Variants in EHMT1 observed in about 807,000 individuals in gnomAD.
EHMT1 encodes the protein euchromatic histone lysine methyltransferase 1.
A neutral mutation model predicts 147.2 loss-of-function variants in EHMT1; 15 were observed. The ratio of observed to expected loss-of-function variants is 0.10; its 90% CI spans 0.07 to 0.16. EHMT1 has a LOEUF of 0.16. EHMT1 is among the 10% of genes least tolerant of loss of function. The probability of loss-of-function intolerance (pLI) is 1.00; values close to 1 mark genes in which losing one functional copy is unlikely to be tolerated. For synonymous variants in EHMT1, 795 were observed against 709.6 expected, an observed-to-expected ratio of 1.12 and a Z score of -1.91; for missense variants, 1,587 against 1,772.4, an observed-to-expected ratio of 0.90 and a Z score of 1.88.
At chr9:137,781,224 G>GTGACGACGCCGA (rs1951488964) in intron 14 of EHMT1, among the ~76,000 whole-genome samples, 3 of 5,852 alleles carry the variant, frequency 5.1e-4, no homozygotes, top group Non-Finnish European at 1.1e-3. Flanking sequence ...GACGACGCTG[G>GTGACGACGCCGA]GACGTGTGGT....
intron 18 of EHMT1, among the ~76,000 whole-genome samples, chr9:137,807,694 G>A (rs1309285907): frequency 6.6e-6 from 1 of 151,952 alleles, no homozygotes; most frequent in East Asian, 1.9e-4. Context: ...TTTTAGTAGA[G>A]GCGGGGTTTC....
At chr9:137,760,282 G>A (rs2136309717) in intron 9 of EHMT1, among the ~76,000 whole-genome samples, 1 of 152,334 alleles carries the variant, frequency 6.6e-6, no homozygotes, top group East Asian at 1.9e-4. Context: ...ATCCAAGCGT[G>A]TAGGCCCTGG....
chr9:137,707,217 C>T (rs73570047), intron 1 of EHMT1, among the ~76,000 whole-genome samples: 2,236 of 152,332 alleles, frequency 0.015, 50 homozygotes, highest in African/African-American at 0.051. Flanking sequence ...GACTTGGCAG[C>T]GCTGCTTGGG....
intron 7 of EHMT1, among the ~76,000 whole-genome samples, chr9:137,753,823 G>T (rs994955104): frequency 6.6e-6 from 1 of 152,182 alleles, no homozygotes; most frequent in Admixed American, 6.5e-5. Flanking sequence ...CCCTTTTCTT[G>T]TGAGCGAGAT....
At chr9:137,818,589 T>C (rs369722193) in intron 25 of EHMT1, among the ~76,000 whole-genome samples, 1,534 of 13,872 alleles carry the variant, frequency 0.11, 29 homozygotes, top group East Asian at 0.27. Flanking sequence ...GAGAGGCCGA[T>C]TGAGGGGCGC....
At chr9:137,823,660 C>A (rs1173067151) in intron 25 of EHMT1, among the ~76,000 whole-genome samples, 1 of 152,210 alleles carries the variant, frequency 6.6e-6, no homozygotes, top group Non-Finnish European at 1.5e-5. Context: ...ATCCGCCCGC[C>A]TCGGCCTCTC....
intron 24 of EHMT1, 136 bp from the exon 25 acceptor site, chr9:137,817,924 C>T (rs749173072): frequency 1.1e-4 from 98 of 856,800 alleles, no homozygotes; most frequent in Non-Finnish European, 1.8e-4. Flanking sequence ...CCTGGGCACA[C>T]CTCTCTAAAC....
intron 8 of EHMT1, among the ~76,000 whole-genome samples, chr9:137,755,757 G>A (rs1229697075): frequency 6.6e-6 from 1 of 152,166 alleles, no homozygotes; most frequent in Non-Finnish European, 1.5e-5. Context: ...AATTCCAGTG[G>A]ATCTGTGGGT....
Position 137,814,068 on chromosome 9 carries a change from C to G in EHMT1, c.3181-363C>G, listed in dbSNP as rs908478510. ...GGGCACTGCCCAGGCCCCCCCCCCC[C>G]CCCGCCCCCCGCCCCACAAGGTGTG... On this transcript the variant is annotated intron_variant, in intron 21 of 26. Coordinates refer to ENST00000460843, the MANE Select transcript of EHMT1 (RefSeq NM_024757.5). 3.1e-5 allele frequency among the ~76,000 whole-genome samples: 3 copies of G among 96,668 alleles called. 1 individual carries two copies. Among genetic ancestry groups the G allele is most frequent in the African/African-American group, 1.1e-4 (2 of 17,742 alleles). The allele number at this position is 96,668 out of a possible 152,430, so 63.4% of individuals were successfully genotyped here. A position where few individuals can be genotyped will look rare whatever the true frequency, so the allele number is the denominator to read the frequency against.
Position 137,823,100 on chromosome 9 carries a change from G to GTT in EHMT1, c.3540+4977_3540+4978dup, listed in dbSNP as rs56014052. Among the ~76,000 whole-genome samples the GTT allele has an allele frequency of 8.9e-3, 986 of 111,128 alleles. 46 individuals carry two copies. The highest frequency in any genetic ancestry group is 0.023 in the Middle Eastern group (4 of 172). 72.9% of individuals were successfully genotyped at this position (111,128 alleles called of 152,430 possible). A position where few individuals can be genotyped will look rare whatever the true frequency, so the allele number is the denominator to read the frequency against. On this transcript the variant is annotated intron_variant, in intron 25 of 26. Transcript: ENST00000460843. ...CGCCGGCCACCATGCCTGGCTAATT[G>GTT]TTTTTTTTTTTTTTTTGAGACGGAG...
chr9:137,657,780 T>C (rs927901748), intron 1 of EHMT1, among the ~76,000 whole-genome samples: 1 of 151,976 alleles, frequency 6.6e-6, no homozygotes, highest in African/African-American at 2.4e-5. Flanking sequence ...TTTGTGCCCA[T>C]GAACCATTTC....
intron 4 of EHMT1, among the ~76,000 whole-genome samples, chr9:137,734,816 AT>A (rs1346153358): frequency 2.6e-4 from 39 of 152,380 alleles, no homozygotes; most frequent in Middle Eastern, 3.4e-3. Flanking sequence ...TGATAAAAAA[AT>A]CTTTCAACCA....
rs186119282 is a variant in EHMT1, at chr9:137,700,011, C to A, written c.22-10956C>A. On this transcript the variant is annotated intron_variant, in intron 1 of 26. Coordinates refer to ENST00000460843, the MANE Select transcript of EHMT1 (RefSeq NM_024757.5). ...AAAACTTGAAGCTTTTTATTTTAAT[C>A]ATGAAGAACATTTCAGTTACGTAAA... Among the ~76,000 whole-genome samples, 366 of 152,236 alleles carry A rather than the reference C, an allele frequency of 2.4e-3. 2 individuals carry two copies. The highest frequency in any genetic ancestry group is 2.2e-3 in the Non-Finnish European group (152 of 68,028).
In EHMT1 at chr9:137,743,999, A is replaced by G; in HGVS notation, c.1079A>G (p.Asp360Gly). The G allele has an allele frequency of 6.2e-7, 1 of 1,614,112 alleles. No individual in the cohort carries two copies. Among genetic ancestry groups the G allele is most frequent in the Non-Finnish European group, 8.5e-7 (1 of 1,180,026 alleles). The change falls in exon 6 of 27, where the codon GAC becomes GGC. Residue 360 changes from aspartate (D) to glycine (G), a missense_variant. Physicochemically the swap from Asp to Gly is moderately conservative, Grantham distance 94. Transcript: ENST00000460843. ...EDDSEELEED[D>G]GHGAEQAAAF... The stretch of plus-strand genomic sequence containing the variant: ...GACTCAGAGGAGCTCGAGGAGGACG[A>G]CGGCCATGGTGCAGAGCAGGCGGCC...
intron 1 of EHMT1, among the ~76,000 whole-genome samples, chr9:137,659,107 A>G (rs1938794106): frequency 6.6e-6 from 1 of 152,076 alleles, no homozygotes; most frequent in Non-Finnish European, 1.5e-5. Context: ...GAACATCTAA[A>G]TACATTATGT....
At chr9:137,685,584 G>C (rs1285437377) in intron 1 of EHMT1, among the ~76,000 whole-genome samples, 1 of 152,216 alleles carries the variant, frequency 6.6e-6, no homozygotes, top group Admixed American at 6.5e-5. Context: ...ATATACCTAG[G>C]AGTGGAATTG....
chr9:137,810,673 A>C (rs928264725), intron 18 of EHMT1, among the ~76,000 whole-genome samples: 1 of 152,008 alleles, frequency 6.6e-6, no homozygotes, highest in African/African-American at 2.4e-5. Flanking sequence ...TGTTTTATTT[A>C]AAAGAGGCCT....
rs867960180 is a variant in EHMT1 at position 137,694,360 on chromosome 9, G to A, written c.22-16607G>A. ...GGACGCTGGCCGATACCCACCAGGC[G>A]ATGGTGCTGGACTCTGGCCGATACC... On this transcript the variant is annotated intron_variant, in intron 1 of 26. Transcript: ENST00000460843. Among the ~76,000 whole-genome samples the A allele has an allele frequency of 7.1e-4, 93 of 130,386 alleles. 1 individual carries two copies. In the Middle Eastern group the frequency reaches 0.02, roughly 28 times the overall value. The allele number at this position is 130,386 out of a possible 152,430, so 85.5% of individuals were successfully genotyped here.
intron 23 of EHMT1, chr9:137,816,924 C>T (rs561593263): frequency 1.4e-5 from 3 of 221,114 alleles, no homozygotes; most frequent in South Asian, 6.9e-5. Flanking sequence ...ACCGCCCAGC[C>T]GCCCTCCTCC....
Sources: gnomAD v4.1 joint callset for allele counts (sites outside exome capture counted in the v4.1 genomes callset) on GRCh38, gnomAD v4.1.1 for gene constraint, MANE v1.5 for transcripts, NCBI Gene and HGNC (gene_info 2026-07-23, HGNC 2026-07-21) for gene names.